The following ATIC variants were observed in gnomAD, a reference collection of about 807,000 sequenced individuals.
ATIC encodes bifunctional purine biosynthesis protein ATIC.
A neutral mutation model predicts 72.5 loss-of-function variants in ATIC; 64 were observed. That is an observed-to-expected ratio of 0.88 (90% CI 0.72 to 1.09). The LOEUF is 1.09. Among genes scored for constraint, ATIC ranks in the 50% least tolerant of loss-of-function variants. The pLI is 0.00. For synonymous variants in ATIC, 281 were observed against 267.1 expected, an observed-to-expected ratio of 1.05 and a Z score of -0.51; for missense variants, 787 against 732.4, an observed-to-expected ratio of 1.07 and a Z score of -0.86.
chr2:215,340,523 G>A (rs938703317), intron 12 of ATIC, among the ~76,000 whole-genome samples: 3 of 152,162 alleles, frequency 2.0e-5, no homozygotes, highest in Admixed American at 1.3e-4. Flanking sequence ...GCTAGGCATT[G>A]GGTATGAAAA....
the ATIC span, chr2:215,362,139 T>A: frequency 2.3e-6 from 3 of 1,313,060 alleles, no homozygotes; most frequent in Non-Finnish European, 3.3e-6. Context: ...ACATCGTAAT[T>A]TAGTGTTTGA....
downstream of ATIC, chr2:215,349,807 C>G: frequency 7.4e-7 from 1 of 1,355,696 alleles, no homozygotes; most frequent in Non-Finnish European, 1.0e-6. Flanking sequence ...AAGATGCAGG[C>G]TCTTTGAACT....
At chr2:215,339,528 A>G (rs944674547) in intron 12 of ATIC, among the ~76,000 whole-genome samples, 1 of 152,222 alleles carries the variant, frequency 6.6e-6, no homozygotes, top group Non-Finnish European at 1.5e-5. Context: ...AAATAAATGC[A>G]TATTCATATC....
chr2:215,319,366 C>T (rs2052743173), intron 3 of ATIC, among the ~76,000 whole-genome samples: 1 of 151,848 alleles, frequency 6.6e-6, no homozygotes, highest in African/African-American at 2.4e-5. Flanking sequence ...ATGGCAACAC[C>T]CCCCTTCTCT....
the ATIC span, among the ~76,000 whole-genome samples, chr2:215,359,460 C>A: frequency 1.3e-5 from 2 of 152,046 alleles, 1 homozygote; most frequent in Non-Finnish European, 2.9e-5. Flanking sequence ...CAGTGATGAC[C>A]GACATATGTG....
chr2:215,335,037 G>A, intron 10 of ATIC, 33 bp downstream of exon 10: 2 of 1,487,504 alleles, frequency 1.3e-6, no homozygotes, highest in Non-Finnish European at 1.9e-6. Context: ...TAATCTGTGT[G>A]TTGAATAAAG....
intron 4 of ATIC, among the ~76,000 whole-genome samples, chr2:215,324,225 A>G (rs1279818153): frequency 6.6e-6 from 1 of 152,174 alleles, no homozygotes; most frequent in Non-Finnish European, 1.5e-5. Context: ...TTGAGTAGAC[A>G]AGTATTTTAG....
the ATIC span, among the ~76,000 whole-genome samples, chr2:215,359,884 T>C: frequency 6.6e-6 from 1 of 152,200 alleles, no homozygotes; most frequent in Non-Finnish European, 1.5e-5. Context: ...GAACTACTAA[T>C]TTTTTACTAA....
downstream of ATIC, among the ~76,000 whole-genome samples, chr2:215,349,926 C>G (rs2053116852): frequency 6.6e-6 from 1 of 152,090 alleles, no homozygotes; most frequent in African/African-American, 2.4e-5. Flanking sequence ...TTAGCAGGAA[C>G]CAAACGAGCT....
chr2:215,329,975 C>G (rs1445663898), intron 7 of ATIC, among the ~76,000 whole-genome samples: 2 of 152,100 alleles, frequency 1.3e-5, no homozygotes, highest in African/African-American at 4.8e-5. Flanking sequence ...TTGGCCAGAC[C>G]AGTCTGAAAC....
the ATIC span, chr2:215,360,322 C>G: frequency 6.6e-6 from 1 of 152,214 alleles, no homozygotes; most frequent in African/African-American, 2.4e-5. Flanking sequence ...AGTAAACAAA[C>G]TGTTTAGCTG....
At chr2:215,357,385 A>G in the ATIC span, among the ~76,000 whole-genome samples, 1 of 152,198 alleles carries the variant, frequency 6.6e-6, no homozygotes, top group Non-Finnish European at 1.5e-5. Context: ...TACAGCTTCA[A>G]CCAATGCTAG....
intron 2 of ATIC, among the ~76,000 whole-genome samples, chr2:215,316,950 C>T (rs1221394850): frequency 2.0e-5 from 3 of 152,160 alleles, no homozygotes; most frequent in South Asian, 4.1e-4. Flanking sequence ...TTAGTAGAGG[C>T]GGGGTTTCAC....
At chr2:215,325,591 C>A (rs1443152247) in intron 5 of ATIC, among the ~76,000 whole-genome samples, 1 of 151,406 alleles carries the variant, frequency 6.6e-6, no homozygotes, top group Non-Finnish European at 1.5e-5. Flanking sequence ...GAGATGAAGT[C>A]TTGCTGTGTC....
chr2:215,334,258 A>G (rs1304352684), intron 9 of ATIC, among the ~76,000 whole-genome samples: 4 of 133,146 alleles, frequency 3.0e-5, no homozygotes, highest in Non-Finnish European at 6.2e-5. Context: ...CAGTGGCGCC[A>G]TCTCAGCTCA....
chr2:215,320,384 G>C (rs1298994647), intron 4 of ATIC, among the ~76,000 whole-genome samples: 1 of 152,094 alleles, frequency 6.6e-6, no homozygotes, highest in African/African-American at 2.4e-5. Context: ...TATGAAAACA[G>C]GTTTATTTTG....
At chr2:215,336,783 A>G (rs1338706915) in intron 11 of ATIC, among the ~76,000 whole-genome samples, 1 of 152,228 alleles carries the variant, frequency 6.6e-6, no homozygotes, top group Non-Finnish European at 1.5e-5. Flanking sequence ...TGAGAGTGAA[A>G]TTAAGGCTTA....
chr2:215,331,223 T>C (rs1384402440), intron 7 of ATIC, among the ~76,000 whole-genome samples: 4 of 152,156 alleles, frequency 2.6e-5, no homozygotes, highest in Admixed American at 1.3e-4. Context: ...TGACTTTTTT[T>C]TAAGAGGGTT....
intron 15 of ATIC, 48 bp from the exon 16 acceptor site, chr2:215,349,488 A>G (rs1316191683): frequency 1.2e-6 from 2 of 1,613,410 alleles, no homozygotes; most frequent in East Asian, 2.2e-5. Context: ...TGAGTTTTGC[A>G]GGTTTTTACA....
Sources: allele counts gnomAD v4.1 joint callset (sites outside exome capture counted in the v4.1 genomes callset), GRCh38; gene constraint gnomAD v4.1.1; transcripts MANE v1.5; gene names NCBI Gene and HGNC (gene_info 2026-07-23, HGNC 2026-07-21).